The following TTLL8 variants were observed in gnomAD, a reference collection of about 807,000 sequenced individuals.
TTLL8 encodes protein monoglycylase TTLL8.
A neutral mutation model predicts 77.8 loss-of-function variants in TTLL8; 65 were observed. The ratio of observed to expected loss-of-function variants is 0.84; its 90% CI spans 0.68 to 1.03. The LOEUF is 1.03. TTLL8 is among the 50% of genes least tolerant of loss of function. The pLI is 0.00. For missense variants in TTLL8, 910 were observed against 1,004.5 expected (o/e 0.91, Z 1.27); for synonymous variants, 402 against 422.8 (o/e 0.95, Z 0.60).
At chr22:50,019,213 C>T (rs1246521780) in intron 12 of TTLL8, among the ~76,000 whole-genome samples, 1 of 152,088 alleles carries the variant, frequency 6.6e-6, no homozygotes, top group East Asian at 1.9e-4. Flanking sequence ...AGTCTGTAAC[C>T]TCCAAACCAG....
At chr22:50,030,667 C>G (rs373887970) in exon 12 of TTLL8, 7 of 1,282,240 alleles carry the variant, frequency 5.5e-6, no homozygotes, top group Non-Finnish European at 6.1e-6. Flanking sequence ...TCGGCTGCCC[C>G]CCTTAAGGGT....
chr22:50,052,463 G>GAA (rs1195538543), intron 1 of TTLL8, among the ~76,000 whole-genome samples: 1 of 152,174 alleles, frequency 6.6e-6, no homozygotes, highest in Non-Finnish European at 1.5e-5. Context: ...GAAAGGAGAG[G>GAA]AAAGGAAAAT....
At chr22:50,021,468 T>C (rs1013267935) in intron 12 of TTLL8, among the ~76,000 whole-genome samples, 2 of 140,752 alleles carry the variant, frequency 1.4e-5, no homozygotes, top group African/African-American at 2.8e-5. Flanking sequence ...TGTGACGACG[T>C]GCACTCCTCC....
At chr22:50,055,286 G>A, upstream of TTLL8, 2 of 1,290,086 alleles carry the variant, frequency 1.6e-6, no homozygotes, top group African/African-American at 1.5e-5. Flanking sequence ...GTCTAATCTG[G>A]AGGAAGAAGC....
intron 12 of TTLL8, among the ~76,000 whole-genome samples, chr22:50,019,720 C>T (rs981771010): frequency 6.6e-6 from 1 of 152,126 alleles, no homozygotes; most frequent in African/African-American, 2.4e-5. Flanking sequence ...AGCACCATGC[C>T]GAGGAGCCCT....
chr22:50,052,369 A>T (rs778000034), intron 1 of TTLL8, among the ~76,000 whole-genome samples: 3 of 152,238 alleles, frequency 2.0e-5, no homozygotes, highest in Non-Finnish European at 4.4e-5. Context: ...GAAACCACCA[A>T]AGGAATAAAA....
chr22:50,055,169 G>C, upstream of TTLL8: 1 of 1,263,890 alleles, frequency 7.9e-7, no homozygotes, highest in Non-Finnish European at 1.0e-6. Flanking sequence ...CAGATTCCAA[G>C]TTCCAAAACA....
chr22:50,029,727 T>C (rs1033369724), intron 12 of TTLL8, among the ~76,000 whole-genome samples: 19 of 151,554 alleles, frequency 1.3e-4, no homozygotes, highest in Non-Finnish European at 2.4e-4. Context: ...CAAGACTCTG[T>C]CTCAAAAAAA....
At chr22:50,018,727 A>G (rs933027374) in intron 12 of TTLL8, among the ~76,000 whole-genome samples, 7 of 152,246 alleles carry the variant, frequency 4.6e-5, no homozygotes, top group African/African-American at 1.2e-4. Context: ...GACGTATTCA[A>G]TGTTCGGCGG....
At chr22:50,031,051 G>T in intron 11 of TTLL8, 126 bp from the exon 13 acceptor site, 1 of 852,254 alleles carries the variant, frequency 1.2e-6, no homozygotes, top group Non-Finnish European at 1.6e-6. Context: ...AGTGAACAGT[G>T]AACACCTGGG....
At chr22:50,028,210 AGAG>A (rs1294498155) in intron 12 of TTLL8, among the ~76,000 whole-genome samples, 4 of 152,364 alleles carry the variant, frequency 2.6e-5, no homozygotes, top group Admixed American at 1.3e-4. Flanking sequence ...GATCAAAGGC[AGAG>A]GAGATCTTTC....
intron 4 of TTLL8, 29 bp from the exon 7 acceptor site, chr22:50,045,999 AG>A (rs1197382637): frequency 7.6e-7 from 1 of 1,323,812 alleles, no homozygotes; most frequent in Admixed American, 2.1e-5. Flanking sequence ...GTTAGGCAGG[AG>A]GGGCAGCTCA....
At chr22:50,052,688 C>T (rs879449000) in intron 1 of TTLL8, among the ~76,000 whole-genome samples, 28 of 152,102 alleles carry the variant, frequency 1.8e-4, no homozygotes, top group African/African-American at 6.8e-4. Flanking sequence ...GTAAAGAAAA[C>T]CATTTCATAA....
At position 50,050,101 on chromosome 22, in the gene TTLL8, T is replaced by A. The variant is rs763923177; in HGVS notation, c.190+8A>T. On this transcript the variant is annotated splice_region_variant and intron_variant, in intron 2 of 13. Transcript: ENST00000266182. ...CCTGAGCTGAGACGTGCGCCTCCGA[T>A]ACGCTACCATTGACCCGGGCGCCTT... 2.9e-6 allele frequency: 4 copies of A among 1,366,326 alleles called. No individual in the cohort carries two copies. Among genetic ancestry groups the A allele is most frequent in the African/African-American group, 3.0e-5 (2 of 67,720 alleles). 84.6% of individuals were successfully genotyped at this position (1,366,326 alleles called of 1,614,324 possible). A position where few individuals can be genotyped will look rare whatever the true frequency, so the allele number is the denominator to read the frequency against.
intron 8 of TTLL8, among the ~76,000 whole-genome samples, chr22:50,038,823 AAAG>A (rs1336861751): frequency 6.6e-6 from 1 of 152,198 alleles, no homozygotes; most frequent in Non-Finnish European, 1.5e-5. Context: ...CAAAAAAAAA[AAAG>A]AAGAGTTTTT....
rs143557157 is a variant in TTLL8, at chr22:50,047,272, G to C, written c.289C>G (p.Pro97Ala). The C allele has an allele frequency of 6.3e-4, 855 of 1,367,578 alleles. 3 individuals are homozygous for C. The African/African-American group carries it at 0.011, about 18-fold the overall frequency. The allele number at this position is 1,367,578 out of a possible 1,614,324, so 84.7% of individuals were successfully genotyped here. A position where few individuals can be genotyped will look rare whatever the true frequency, so the allele number is the denominator to read the frequency against. ...CTCTTGATGGTCCAGAGGAGGTACG[G>C]CATCTCATTTTTTACCAACCTAGAC... The change falls in exon 4 of 14, where the codon CCG becomes GCG. Residue 97 changes from proline to alanine, a missense_variant. By Grantham distance (27) the Pro-to-Ala change is conservative. This residue lies in a region of TTLL8 where 776 missense variants were observed against 926.1 expected (regional missense o/e 0.84). Coordinates refer to ENST00000266182, the Ensembl canonical transcript of TTLL8.
intron 12 of TTLL8, among the ~76,000 whole-genome samples, chr22:50,018,729 G>A (rs1351343997): frequency 1.3e-5 from 2 of 152,220 alleles, no homozygotes; most frequent in African/African-American, 4.8e-5. Context: ...CGTATTCAAT[G>A]TTCGGCGGGA....
rs71649334 is a variant in TTLL8 at position 50,037,208 on chromosome 22, C to CT, written c.922-2747dup. ...TGGCAAATACTTGATGTCGTTTTAACTTTTTTTTTTTTTTGAGACAGAGTC... is the reference window on the plus strand; with the variant it reads ...TGGCAAATACTTGATGTCGTTTTAACTTTTTTTTTTTTTTTGAGACAGAGTC... On this transcript the variant is annotated intron_variant, in intron 8 of 13. Transcript: ENST00000266182. 1.8e-3 allele frequency among the ~76,000 whole-genome samples: 260 copies of CT among 147,114 alleles called. 5 individuals carry two copies. The highest frequency in any genetic ancestry group is 0.011 in the Admixed American group (165 of 14,760).
chr22:50,019,623 G>A (rs1034003100), intron 12 of TTLL8, among the ~76,000 whole-genome samples: 1 of 152,198 alleles, frequency 6.6e-6, no homozygotes, highest in African/African-American at 2.4e-5. Flanking sequence ...GCACCATCAG[G>A]GAGGTGGGTC....
Sources: allele counts gnomAD v4.1 joint callset (sites outside exome capture counted in the v4.1 genomes callset), GRCh38; gene constraint gnomAD v4.1.1; regional missense constraint gnomAD v4.1.1; transcripts MANE v1.5; gene names NCBI Gene and HGNC (gene_info 2026-07-23, HGNC 2026-07-21).